Variants in TNFSF15 observed in about 807,000 individuals in gnomAD.
TNFSF15 encodes the protein tumor necrosis factor ligand superfamily member 15.
TNFSF15 carries 15 observed loss-of-function variants against 26.4 expected under a neutral mutation model. The ratio of observed to expected loss-of-function variants is 0.57; its 90% confidence interval spans 0.38 to 0.87. TNFSF15 has a LOEUF of 0.87. TNFSF15 is among the 40% of genes least tolerant of loss of function. The pLI is 0.00. For synonymous variants in TNFSF15, 116 were observed against 115.0 expected (o/e 1.01, Z -0.06); for missense variants, 290 against 306.1 (o/e 0.95, Z 0.39).
At chr9:114,792,553 C>G (rs778062353) in intron 2 of TNFSF15, 99 bp from the exon 3 acceptor site, 2 of 1,582,764 alleles carry the variant, frequency 1.3e-6, no homozygotes, top group Non-Finnish European at 1.7e-6. Context: ...AGGAGAGAAA[C>G]CTTGATCTCC....
rs1288662963 is a variant in TNFSF15 at position 114,789,028 on chromosome 9, G to T, written c.*1424C>A. Reference sequence around the variant, plus strand: ...AGGGAAAATACCCACATAATACTCTGCATATAAAGTTGCAAATCAAACCTC... The same window carrying T: ...AGGGAAAATACCCACATAATACTCTTCATATAAAGTTGCAAATCAAACCTC... On this transcript the variant is annotated 3_prime_UTR_variant, in exon 4 of 4. Transcript: ENST00000374045. The T allele has an allele frequency of 2.6e-5, 4 of 152,196 alleles. No homozygotes were observed. The highest frequency in any genetic ancestry group is 6.5e-5 in the Admixed American group (1 of 15,272). 9.4% of individuals were successfully genotyped at this position (152,196 alleles called of 1,614,324 possible). A position where few individuals can be genotyped will look rare whatever the true frequency, so the allele number is the denominator to read the frequency against.
chr9:114,795,067 A>G (rs919850563), intron 1 of TNFSF15, among the ~76,000 whole-genome samples: 1 of 152,238 alleles, frequency 6.6e-6, no homozygotes, highest in Non-Finnish European at 1.5e-5. Flanking sequence ...CATAGAAATG[A>G]TAAATACTCA....
chr9:114,792,170 C>A, intron 3 of TNFSF15: 1 of 529,558 alleles, frequency 1.9e-6, no homozygotes, highest in East Asian at 3.3e-5. Flanking sequence ...AAGTGTTCAT[C>A]AACAGATGAA....
At chr9:114,801,384 G>A (rs1432241783) in intron 1 of TNFSF15, among the ~76,000 whole-genome samples, 1 of 152,134 alleles carries the variant, frequency 6.6e-6, no homozygotes, top group Non-Finnish European at 1.5e-5. Flanking sequence ...AGGAATTAGT[G>A]GGGGTTGGGA....
At position 114,788,856 on chromosome 9, in the gene TNFSF15, T is replaced by C. The variant is rs1829546562; in HGVS notation, c.*1596A>G. The C allele has an allele frequency of 6.6e-6, 1 of 152,190 alleles. No individual in the cohort carries two copies. The allele number at this position is 152,190 out of a possible 1,614,324, so 9.4% of individuals were successfully genotyped here. A position where few individuals can be genotyped will look rare whatever the true frequency, so the allele number is the denominator to read the frequency against. ...AGAGCTGCCTCTCCTGCCCTTGACA[T>C]ATTAGCGTAGGAAAATCATACGGAC... is the stretch of plus-strand genomic sequence containing the variant. On this transcript the variant is annotated 3_prime_UTR_variant, in exon 4 of 4. Coordinates refer to ENST00000374045, the MANE Select transcript of TNFSF15 (RefSeq NM_005118.4).
chr9:114,805,035 T>C (rs998242755), intron 1 of TNFSF15, among the ~76,000 whole-genome samples: 35 of 152,238 alleles, frequency 2.3e-4, no homozygotes, highest in African/African-American at 8.2e-4. Context: ...CCAAGAATTA[T>C]GTTTTCTTCT....
At position 114,806,005 on chromosome 9, in the gene TNFSF15, T is replaced by G; in HGVS notation, c.8A>C (p.Glu3Ala). 1.9e-6 allele frequency: 3 copies of G among 1,613,642 alleles called. No homozygotes were observed. Among genetic ancestry groups the G allele is most frequent in the Non-Finnish European group, 2.5e-6 (3 of 1,179,830 alleles). Reference sequence around the variant, plus strand: ...TTCCCCAAAGCTCAGTCCCAGATCCTCGGCCATGCTCCTGCTGCTCCTGGA... The same window carrying G: ...TTCCCCAAAGCTCAGTCCCAGATCCGCGGCCATGCTCCTGCTGCTCCTGGA... MA[E>A]DLGLSFGETA... Residue 3 changes from glutamate (E) to alanine (A), a missense_variant, in exon 1 of 4, where the codon GAG becomes GCG. Coordinates refer to ENST00000374045, the MANE Select transcript of TNFSF15 (RefSeq NM_005118.4).
At chr9:114,798,761 T>C (rs1429283551) in intron 1 of TNFSF15, among the ~76,000 whole-genome samples, 1 of 152,296 alleles carries the variant, frequency 6.6e-6, no homozygotes, top group Admixed American at 6.5e-5. Context: ...TGAACAAGCC[T>C]GAAGCAAGAT....
rs1394278072 is a variant in TNFSF15, at chr9:114,786,915, A to AC, written c.*3536_*3537insG. The AC allele has an allele frequency of 6.6e-6, 1 of 150,682 alleles. No homozygotes were observed. The highest frequency in any genetic ancestry group is 1.5e-5 in the Non-Finnish European group (1 of 67,782). The allele number at this position is 150,682 out of a possible 1,614,324, so 9.3% of individuals were successfully genotyped here. On this transcript the variant is annotated 3_prime_UTR_variant, in exon 4 of 4. Coordinates refer to ENST00000374045, the MANE Select transcript of TNFSF15 (RefSeq NM_005118.4). The stretch of plus-strand genomic sequence containing the variant: ...TGACAAAGCAAGACTCTGTCTCAAA[A>AC]AAAAAAAAAAAAAAAAAGAAAAAGA...
Position 114,790,742 on chromosome 9 carries a change from G to GGAATGTGACCTGGGAGTAAATGAA in TNFSF15, c.442_465dup (p.Phe148_Phe155dup). On this transcript the variant is annotated inframe_insertion, in exon 4 of 4. Coordinates refer to ENST00000374045, the MANE Select transcript of TNFSF15 (RefSeq NM_005118.4). Reference sequence around the variant, plus strand: ...TCACTGCACTCAGAGGTCATCCCACGGAATGTGACCTGGGAGTAAATGAAG... The same window carrying GGAATGTGACCTGGGAGTAAATGAA: ...TCACTGCACTCAGAGGTCATCCCACGGAATGTGACCTGGGAGTAAATGAAGAATGTGACCTGGGAGTAAATGAAG... 6.2e-7 allele frequency: 1 copy of GGAATGTGACCTGGGAGTAAATGAA among 1,614,038 alleles called. No homozygotes were observed. The highest frequency in any genetic ancestry group is 8.5e-7 in the Non-Finnish European group (1 of 1,180,020).
At chr9:114,802,187 T>A (rs1829758200) in intron 1 of TNFSF15, among the ~76,000 whole-genome samples, 1 of 152,226 alleles carries the variant, frequency 6.6e-6, no homozygotes, top group Non-Finnish European at 1.5e-5. Context: ...ACAATAAAAC[T>A]GTTTTCTTTC....
chr9:114,793,490 C>T (rs1317985717), intron 2 of TNFSF15, 36 bp downstream of exon 2: 1 of 1,611,026 alleles, frequency 6.2e-7, no homozygotes, highest in Non-Finnish European at 8.5e-7. Context: ...GTTCTTATTC[C>T]CCACGAGGAA....
rs2030426051 is a variant in TNFSF15, at chr9:114,786,433, A to C, written c.*4019T>G. 1 of 152,192 alleles carries C rather than the reference A, an allele frequency of 6.6e-6. No homozygotes were observed. The highest frequency in any genetic ancestry group is 1.5e-5 in the Non-Finnish European group (1 of 68,036). 9.4% of individuals were successfully genotyped at this position (152,192 alleles called of 1,614,324 possible). On this transcript the variant is annotated 3_prime_UTR_variant, in exon 4 of 4. Coordinates refer to ENST00000374045, the MANE Select transcript of TNFSF15 (RefSeq NM_005118.4). The stretch of plus-strand genomic sequence containing the variant: ...GCCTTGTGCACAGTGAGTTAGTTAA[A>C]CTTTTATAATCCAGGGGGATTACTG...
Position 114,805,913 on chromosome 9 carries a change from G to A in TNFSF15, c.100C>T (p.Arg34Cys), listed in dbSNP as rs55683440. ...CRPKARSSSA[R>C]WALTCCLVLL... ...ACCAGGCAGCAGGTGAGAGCCCAGC[G>A]TGCGCTGCTGCTCCTGGCCTTGGGC... The change falls in exon 1 of 4, where the codon CGC (arginine) becomes TGC (cysteine). Residue 34 changes from arginine (R) to cysteine (C), a missense_variant. Physicochemically the swap from Arg to Cys is radical, Grantham distance 180. Transcript: ENST00000374045. 7.3e-5 allele frequency: 118 copies of A among 1,614,000 alleles called. No homozygotes were observed. Among genetic ancestry groups the A allele is most frequent in the East Asian group, 2.9e-4 (13 of 44,898 alleles).
chr9:114,805,094 T>G (rs995562111), intron 1 of TNFSF15, among the ~76,000 whole-genome samples: 2 of 152,138 alleles, frequency 1.3e-5, no homozygotes, highest in Non-Finnish European at 2.9e-5. Flanking sequence ...CTTCATATTC[T>G]TTTTCTGACT....
chr9:114,805,160 C>G (rs1193039493), intron 1 of TNFSF15, among the ~76,000 whole-genome samples: 1 of 152,094 alleles, frequency 6.6e-6, no homozygotes, highest in East Asian at 1.9e-4. Context: ...GCAGGAGGTT[C>G]TTTCTTAAGC....
At chr9:114,792,625 A>G in intron 2 of TNFSF15, 171 bp from the exon 3 acceptor site, 1 of 1,440,718 alleles carries the variant, frequency 6.9e-7, no homozygotes, top group Non-Finnish European at 9.3e-7. Context: ...ACCCGCAGCA[A>G]GCACCACCAA....
chr9:114,799,736 C>T (rs1431547117), intron 1 of TNFSF15, among the ~76,000 whole-genome samples: 2 of 152,224 alleles, frequency 1.3e-5, no homozygotes, highest in African/African-American at 4.8e-5. Context: ...CCAAGCTGGC[C>T]TGGCACTCAG....
At chr9:114,793,637 T>A in intron 1 of TNFSF15, 69 bp from the exon 2 acceptor site, 1 of 1,445,386 alleles carries the variant, frequency 6.9e-7, no homozygotes, top group Non-Finnish European at 9.7e-7. Flanking sequence ...CAGCTTCCCA[T>A]AGCACAGGTA....
Sources: gnomAD v4.1 joint callset for allele counts (sites outside exome capture counted in the v4.1 genomes callset) on GRCh38, gnomAD v4.1.1 for gene constraint, MANE v1.5 for transcripts, NCBI Gene and HGNC (gene_info 2026-07-23, HGNC 2026-07-21) for gene names.